Variants in RUNDC3B observed in about 807,000 individuals in gnomAD.
The protein encoded by RUNDC3B is RUN domain-containing protein 3B.
Under a neutral mutation model 58.4 loss-of-function variants are expected in RUNDC3B, and 33 were observed. The ratio of observed to expected loss-of-function variants is 0.56; its 90% CI spans 0.43 to 0.75. The LOEUF is 0.75. Among genes scored for constraint, RUNDC3B ranks in the 30% least tolerant of loss-of-function variants. RUNDC3B has a pLI of 0.00. For missense variants in RUNDC3B, 501 were observed against 535.7 expected (o/e 0.94, Z 0.64); for synonymous variants, 193 against 195.2 (o/e 0.99, Z 0.10).
chr7:87,759,376 A>G (rs1327079940), intron 6 of RUNDC3B, among the ~76,000 whole-genome samples: 1 of 152,176 alleles, frequency 6.6e-6, no homozygotes, highest in Non-Finnish European at 1.5e-5. Context: ...TAATGGGTAT[A>G]AAAACATAGT....
chr7:87,630,708 A>G (rs1297532383), intron 1 of RUNDC3B, among the ~76,000 whole-genome samples: 1 of 151,178 alleles, frequency 6.6e-6, no homozygotes, highest in Non-Finnish European at 1.5e-5. Flanking sequence ...TTTTCTTTCA[A>G]ATTCTCAGTA....
chr7:87,691,402 G>A (rs567807408), intron 2 of RUNDC3B, among the ~76,000 whole-genome samples: 20 of 152,220 alleles, frequency 1.3e-4, no homozygotes, highest in Admixed American at 9.8e-4. Flanking sequence ...TAATTATACT[G>A]TTGTATTTGA....
intron 9 of RUNDC3B, among the ~76,000 whole-genome samples, chr7:87,813,952 G>A (rs1055446091): frequency 1.3e-5 from 2 of 151,060 alleles, no homozygotes; most frequent in African/African-American, 4.9e-5. Flanking sequence ...CTGCACTCCA[G>A]CCTGGGCGAC....
chr7:87,761,298 A>G (rs1173719504), intron 6 of RUNDC3B, among the ~76,000 whole-genome samples: 1 of 151,946 alleles, frequency 6.6e-6, no homozygotes, highest in African/African-American at 2.4e-5. Context: ...ACTCACAAGG[A>G]TAGCTATATC....
At chr7:87,631,802 T>C (rs1326075188) in intron 1 of RUNDC3B, among the ~76,000 whole-genome samples, 1 of 152,198 alleles carries the variant, frequency 6.6e-6, no homozygotes, top group East Asian at 1.9e-4. Flanking sequence ...CATTAACTAG[T>C]GTGCACTTTT....
At chr7:87,752,647 T>C (rs1833087350) in intron 6 of RUNDC3B, among the ~76,000 whole-genome samples, 1 of 152,236 alleles carries the variant, frequency 6.6e-6, no homozygotes, top group African/African-American at 2.4e-5. Flanking sequence ...TTCTAAATTT[T>C]CTAGTTTATT....
chr7:87,689,573 A>G (rs566426315), intron 2 of RUNDC3B, among the ~76,000 whole-genome samples: 10 of 152,292 alleles, frequency 6.6e-5, no homozygotes, highest in African/African-American at 2.2e-4. Context: ...ATTAGCTAAT[A>G]TTGCTAATAT....
chr7:87,676,703 CAAAAAAAAAAAA>C (rs57480483), intron 2 of RUNDC3B, among the ~76,000 whole-genome samples: 2 of 45,432 alleles, frequency 4.4e-5, no homozygotes, highest in Non-Finnish European at 8.8e-5. Context: ...GACCCTGTCT[CAAAAAAAAAAAA>C]AAAAAAAAAA....
At chr7:87,677,277 A>G (rs2130563690) in intron 2 of RUNDC3B, among the ~76,000 whole-genome samples, 1 of 106,168 alleles carries the variant, frequency 9.4e-6, no homozygotes, top group Non-Finnish European at 2.0e-5. Flanking sequence ...TGTATATAAC[A>G]CACACACACA....
chr7:87,644,633 TAAG>T (rs1374860962), intron 1 of RUNDC3B, among the ~76,000 whole-genome samples: 1 of 152,188 alleles, frequency 6.6e-6, no homozygotes, highest in African/African-American at 2.4e-5. Flanking sequence ...ATGGTATAGA[TAAG>T]AAGATCTATT....
intron 4 of RUNDC3B, among the ~76,000 whole-genome samples, chr7:87,739,358 C>T (rs1050667644): frequency 3.9e-5 from 6 of 151,956 alleles, no homozygotes; most frequent in Non-Finnish European, 7.4e-5. Context: ...TATAGAAAAA[C>T]AGAACTTAAT....
chr7:87,823,252 A>T (rs919413371), intron 10 of RUNDC3B, among the ~76,000 whole-genome samples: 4 of 152,016 alleles, frequency 2.6e-5, no homozygotes, highest in African/African-American at 9.7e-5. Context: ...TATTTTTTCC[A>T]CAAGCCTGAT....
intron 1 of RUNDC3B, among the ~76,000 whole-genome samples, chr7:87,639,699 T>A (rs1477012863): frequency 6.6e-6 from 1 of 152,138 alleles, no homozygotes; most frequent in African/African-American, 2.4e-5. Context: ...ACTAATACAG[T>A]TATAATAGCT....
In RUNDC3B at chr7:87,709,442, C is replaced by T. The variant is rs912825985; in HGVS notation, c.373-1128C>T. 6.1e-6 allele frequency: 6 copies of T among 985,178 alleles called. No homozygotes were observed. In the African/African-American group the frequency reaches 1.0e-4, roughly 17 times the overall value. The allele number at this position is 985,178 out of a possible 1,614,324, so 61.0% of individuals were successfully genotyped here. A position where few individuals can be genotyped will look rare whatever the true frequency, so the allele number is the denominator to read the frequency against. On this transcript the variant is annotated intron_variant, in intron 3 of 10. Transcript: ENST00000394654. Reference sequence around the variant, plus strand: ...ATCAGCTACAGCTAACTGCAGGTTCCCCTAGGCTTACTCAGAAGGAACAAT... The same window carrying T: ...ATCAGCTACAGCTAACTGCAGGTTCTCCTAGGCTTACTCAGAAGGAACAAT...
chr7:87,768,402 C>T (rs1051984680), intron 6 of RUNDC3B, among the ~76,000 whole-genome samples: 1 of 152,186 alleles, frequency 6.6e-6, no homozygotes, highest in Non-Finnish European at 1.5e-5. Flanking sequence ...AGAGAAGACT[C>T]TGAGAAATGT....
At chr7:87,769,789 G>T (rs932861882) in intron 6 of RUNDC3B, among the ~76,000 whole-genome samples, 1 of 152,014 alleles carries the variant, frequency 6.6e-6, no homozygotes, top group Non-Finnish European at 1.5e-5. Flanking sequence ...TTGTCCTAAT[G>T]CTCTCCCTTC....
At chr7:87,820,011 A>G (rs1837321738) in intron 10 of RUNDC3B, among the ~76,000 whole-genome samples, 1 of 152,212 alleles carries the variant, frequency 6.6e-6, no homozygotes, top group African/African-American at 2.4e-5. Context: ...TTCAAAAGCT[A>G]GCAGAAGGTA....
rs557296478 is a variant in RUNDC3B, at chr7:87,775,556, G to A, written c.799-2242G>A. On this transcript the variant is annotated intron_variant, in intron 7 of 10. Coordinates refer to ENST00000394654, the MANE Select transcript of RUNDC3B (RefSeq NM_001134405.2). ...TACAGTGTTTATAAAGTCTACAGTA[G>A]TGTACAGTAGTTGTAGGCCTTTACA... Among the ~76,000 whole-genome samples, 32 of 152,242 alleles carry A rather than the reference G, an allele frequency of 2.1e-4. No individual in the cohort carries two copies. In the South Asian group the frequency reaches 6.2e-3, roughly 30 times the overall value.
chr7:87,830,647 T>G lies in RUNDC3B; in HGVS notation c.*617T>G, dbSNP rs1838082558. On this transcript the variant is annotated 3_prime_UTR_variant, in exon 11 of 11. Coordinates refer to ENST00000394654, the MANE Select transcript of RUNDC3B (RefSeq NM_001134405.2). Reference sequence around the variant, plus strand: ...AAATTCCATAGGAACATGCCTGTTTTGGTAGTTACTGACTTAATTTGTTAG... The same window carrying G: ...AAATTCCATAGGAACATGCCTGTTTGGGTAGTTACTGACTTAATTTGTTAG... 6.6e-6 allele frequency: 1 copy of G among 151,850 alleles called. No homozygotes were observed. Among genetic ancestry groups the G allele is most frequent in the Non-Finnish European group, 1.5e-5 (1 of 67,850 alleles). The allele number at this position is 151,850 out of a possible 1,614,324, so 9.4% of individuals were successfully genotyped here. A position where few individuals can be genotyped will look rare whatever the true frequency, so the allele number is the denominator to read the frequency against.
Sources: allele counts gnomAD v4.1 joint callset (sites outside exome capture counted in the v4.1 genomes callset), GRCh38; gene constraint gnomAD v4.1.1; transcripts MANE v1.5; gene names NCBI Gene and HGNC (gene_info 2026-07-23, HGNC 2026-07-21).